Variants in ATCAY observed in about 807,000 individuals in gnomAD.
ATCAY encodes ATCAY kinesin light chain interacting caytaxin, also known as caytaxin.
A neutral mutation model predicts 47.7 loss-of-function variants in ATCAY; 22 were observed. The ratio of observed to expected loss-of-function variants is 0.46; its 90% confidence interval spans 0.33 to 0.66. The LOEUF is 0.66. ATCAY is among the 30% of genes least tolerant of loss of function. ATCAY has a pLI of 0.02. For missense variants in ATCAY, 452 were observed against 515.0 expected, an observed-to-expected ratio of 0.88 and a Z score of 1.18; for synonymous variants, 216 against 207.6, an observed-to-expected ratio of 1.04 and a Z score of -0.35.
chr19:3,920,613 G>A, intron 11 of ATCAY, 153 bp from the exon 12 acceptor site: 1 of 453,906 alleles, frequency 2.2e-6, no homozygotes, highest in South Asian at 4.8e-5. Flanking sequence ...AAAGTGCTGG[G>A]ATTATAGGCA....
Position 3,918,839 on chromosome 19 carries a change from G to T in ATCAY, c.1035G>T (p.Arg345Ser). The change falls in exon 11 of 13, where the codon AGG (arginine) becomes AGT (serine). Residue 345 changes from arginine (R) to serine (S), a missense_variant. By Grantham distance (110) the Arg-to-Ser change is moderately radical (BLOSUM62 -1). Coordinates refer to ENST00000450849, the MANE Select transcript of ATCAY (RefSeq NM_033064.5). ...ARPQPEFVLPRSEEKPEVAPV... is the reference protein window; with the variant it reads ...ARPQPEFVLPSSEEKPEVAPV... ...CCCAGCCGGAGTTTGTGCTGCCCAG[G>T]TCTGAAGAGAAGCCAGAGGTGGCAC... The T allele has an allele frequency of 1.2e-6, 2 of 1,614,018 alleles. No individual in the cohort carries two copies. The highest frequency in any genetic ancestry group is 1.7e-6 in the Non-Finnish European group (2 of 1,179,886).
intron 12 of ATCAY, among the ~76,000 whole-genome samples, chr19:3,923,299 C>T (rs1287229381): frequency 6.6e-6 from 1 of 152,132 alleles, no homozygotes; most frequent in Non-Finnish European, 1.5e-5. Context: ...ACAGCAGAGA[C>T]AACAAACAGC....
chr19:3,917,000 G>T (rs1337805089), intron 9 of ATCAY, among the ~76,000 whole-genome samples: 3 of 151,874 alleles, frequency 2.0e-5, no homozygotes, highest in Non-Finnish European at 4.4e-5. Context: ...TAGAGATAGG[G>T]TTTCACCATG....
At chr19:3,892,631 G>A (rs909903256) in intron 2 of ATCAY, among the ~76,000 whole-genome samples, 2 of 152,146 alleles carry the variant, frequency 1.3e-5, no homozygotes, top group Non-Finnish European at 2.9e-5. Context: ...TCAGGGCTGG[G>A]TGCGGTGACT....
intron 2 of ATCAY, among the ~76,000 whole-genome samples, chr19:3,886,233 G>A (rs1436556205): frequency 2.0e-5 from 3 of 152,114 alleles, no homozygotes. Context: ...CGGATCACTT[G>A]AGGTCAGGAG....
chr19:3,926,532 G>A lies in ATCAY; in HGVS notation c.*1940G>A, dbSNP rs1328147776. On this transcript the variant is annotated 3_prime_UTR_variant, in exon 13 of 13. Coordinates refer to ENST00000450849, the MANE Select transcript of ATCAY (RefSeq NM_033064.5). ...AACTGAGCCTCAGTGAAAGCGTCCA[G>A]TGCATCTTGACCTGAGACAGCAAGG... is the stretch of plus-strand genomic sequence containing the variant. 1 of 152,244 alleles carries A rather than the reference G, an allele frequency of 6.6e-6. No individual in the cohort carries two copies. Among genetic ancestry groups the A allele is most frequent in the Non-Finnish European group, 1.5e-5 (1 of 68,052 alleles). The allele number at this position is 152,244 out of a possible 1,614,324, so 9.4% of individuals were successfully genotyped here.
intron 7 of ATCAY, 30 bp from the exon 8 acceptor site, chr19:3,910,773 C>T (rs1202613764): frequency 1.2e-6 from 2 of 1,613,300 alleles, no homozygotes; most frequent in South Asian, 1.1e-5. Context: ...CCCCAGGAGC[C>T]CATCTTGCTT....
At chr19:3,901,670 C>T (rs2038817276) in intron 2 of ATCAY, among the ~76,000 whole-genome samples, 1 of 152,124 alleles carries the variant, frequency 6.6e-6, no homozygotes, top group South Asian at 2.1e-4. Flanking sequence ...CCCTTCAGCC[C>T]TGATGCGTTA....
chr19:3,910,331 A>G (rs909640647), intron 7 of ATCAY, among the ~76,000 whole-genome samples: 2 of 152,140 alleles, frequency 1.3e-5, no homozygotes, highest in African/African-American at 4.8e-5. Flanking sequence ...GACATACCAC[A>G]TTTGGTTTGT....
chr19:3,909,306 G>A (rs2038901819), intron 6 of ATCAY, among the ~76,000 whole-genome samples, 180 bp from the exon 7 acceptor site: 1 of 150,606 alleles, frequency 6.6e-6, no homozygotes, highest in Non-Finnish European at 1.5e-5. Context: ...CATGTGGAGT[G>A]TGCTGGGATC....
chr19:3,895,812 C>T (rs553421250), intron 2 of ATCAY, among the ~76,000 whole-genome samples: 1 of 148,928 alleles, frequency 6.7e-6, no homozygotes, highest in Non-Finnish European at 1.5e-5. Context: ...AACTCCCGGA[C>T]TCAAACGATC....
chr19:3,917,204 C>T (rs1002997289), intron 9 of ATCAY, among the ~76,000 whole-genome samples: 3 of 152,016 alleles, frequency 2.0e-5, no homozygotes, highest in Admixed American at 6.6e-5. Flanking sequence ...GCCAGAGGAT[C>T]GCTTGAGCCC....
intron 2 of ATCAY, among the ~76,000 whole-genome samples, chr19:3,897,411 C>T (rs2038779424): frequency 6.6e-6 from 1 of 151,612 alleles, no homozygotes; most frequent in Non-Finnish European, 1.5e-5. Context: ...CTGATCCTCC[C>T]ACCTTGGCTT....
At chr19:3,913,309 T>A (rs2038938346) in intron 8 of ATCAY, among the ~76,000 whole-genome samples, 1 of 152,124 alleles carries the variant, frequency 6.6e-6, no homozygotes, top group South Asian at 2.1e-4. Flanking sequence ...TAACAGAGAA[T>A]CAATGGGCAG....
intron 2 of ATCAY, among the ~76,000 whole-genome samples, chr19:3,894,353 A>G (rs892748474): frequency 1.7e-4 from 26 of 151,802 alleles, no homozygotes; most frequent in African/African-American, 5.8e-4. Flanking sequence ...GCGTGGTGGC[A>G]GGCGCCTGTA....
In ATCAY at chr19:3,918,835, C is replaced by T. The variant is rs2038990916; in HGVS notation, c.1031C>T (p.Pro344Leu). 1 of 1,613,964 alleles carries T rather than the reference C, an allele frequency of 6.2e-7. No homozygotes were observed. Among genetic ancestry groups the T allele is most frequent in the South Asian group, 1.1e-5 (1 of 91,088 alleles). Residue 344 changes from proline (P) to leucine (L), a missense_variant, in exon 11 of 13, where the codon CCC becomes CTC. Pro to Leu is a moderately conservative substitution (Grantham distance 98, BLOSUM62 -3). Coordinates refer to ENST00000450849, the MANE Select transcript of ATCAY (RefSeq NM_033064.5). ...SARPQPEFVL[P>L]RSEEKPEVAP... ...AGGCCCCAGCCGGAGTTTGTGCTGC[C>T]CAGGTCTGAAGAGAAGCCAGAGGTG... is the stretch of plus-strand genomic sequence containing the variant.
chr19:3,902,467 G>T lies in ATCAY; in HGVS notation c.78-20G>T, dbSNP rs1161801349. ...CTCTGGTGCCCGGCGACTGATGCCT[G>T]TTCCTGGATGGGTCCGCAGGCCACT... On this transcript the variant is annotated intron_variant, in intron 2 of 12. Transcript: ENST00000450849. 1 of 1,564,514 alleles carries T rather than the reference G, an allele frequency of 6.4e-7. No individual in the cohort carries two copies. The highest frequency in any genetic ancestry group is 1.9e-5 in the Admixed American group (1 of 52,606).
chr19:3,881,867 C>CG (rs944093776), intron 1 of ATCAY, among the ~76,000 whole-genome samples: 1 of 109,438 alleles, frequency 9.1e-6, no homozygotes, highest in African/African-American at 5.3e-5. Context: ...GCTGCCACCG[C>CG]CCCCCCCCCG....
At chr19:3,899,376 C>T (rs575008378) in intron 2 of ATCAY, among the ~76,000 whole-genome samples, 5 of 141,968 alleles carry the variant, frequency 3.5e-5, no homozygotes, top group Admixed American at 7.8e-5. Context: ...TGCAATGGCA[C>T]GATCTCGGCT....
Sources: allele counts gnomAD v4.1 joint callset (sites outside exome capture counted in the v4.1 genomes callset), GRCh38; gene constraint gnomAD v4.1.1; transcripts MANE v1.5; gene names NCBI Gene and HGNC (gene_info 2026-07-23, HGNC 2026-07-21).